The following PDE12 variants were observed in gnomAD, a reference collection of about 807,000 sequenced individuals.
The protein encoded by PDE12 is 2',5'-phosphodiesterase 12.
PDE12 carries 26 observed loss-of-function variants against 45.4 expected under a neutral mutation model. The observed-to-expected ratio is 0.57, with a 90% CI of 0.42 to 0.79. The LOEUF is 0.79. Among genes scored for constraint, PDE12 ranks in the 30% least tolerant of loss-of-function variants. The pLI, the probability that PDE12 is intolerant of heterozygous loss-of-function variation, is 0.00. For synonymous variants in PDE12, 283 were observed against 323.9 expected, an observed-to-expected ratio of 0.87 and a Z score of 1.36; for missense variants, 668 against 790.0, an observed-to-expected ratio of 0.85 and a Z score of 1.85.
At chr3:57,625,087 A>G in the PDE12 span, among the ~76,000 whole-genome samples, 1 of 152,060 alleles carries the variant, frequency 6.6e-6, no homozygotes, top group African/African-American at 2.4e-5. Flanking sequence ...GATTTTTTGT[A>G]GAGACGGGGT....
the PDE12 span, among the ~76,000 whole-genome samples, chr3:57,637,221 A>G: frequency 6.6e-6 from 1 of 152,216 alleles, no homozygotes; most frequent in Non-Finnish European, 1.5e-5. Context: ...CCTGGTATGC[A>G]CCAGAACCAG....
chr3:57,632,545 A>T, the PDE12 span, among the ~76,000 whole-genome samples: 1 of 152,180 alleles, frequency 6.6e-6, no homozygotes, highest in African/African-American at 2.4e-5. Flanking sequence ...GGAATAAATA[A>T]CTTGACACCC....
At chr3:57,611,588 A>T in the PDE12 span, among the ~76,000 whole-genome samples, 2 of 152,250 alleles carry the variant, frequency 1.3e-5, no homozygotes, top group African/African-American at 4.8e-5. Context: ...ATGAACAGAC[A>T]CTTCTCAAAA....
At chr3:57,581,315 C>G in the PDE12 span, among the ~76,000 whole-genome samples, 1 of 152,010 alleles carries the variant, frequency 6.6e-6, no homozygotes, top group Non-Finnish European at 1.5e-5. Context: ...CATGAACTCC[C>G]TAGGAAGCAG....
Position 57,562,114 on chromosome 3 carries a change from C to A in PDE12, c.*2110C>A. 1.0e-6 allele frequency: 1 copy of A among 981,500 alleles called. No homozygotes were observed. Among genetic ancestry groups the A allele is most frequent in the Non-Finnish European group, 1.2e-6 (1 of 826,648 alleles). 60.8% of individuals were successfully genotyped at this position (981,500 alleles called of 1,614,324 possible). A position where few individuals can be genotyped will look rare whatever the true frequency, so the allele number is the denominator to read the frequency against. On this transcript the variant is annotated 3_prime_UTR_variant, in exon 3 of 3. Transcript: ENST00000311180. ...TTTTCAAAGAAAGATGTTGATAGAACCCTTAGAGTGACTTGGGAGAAAACA... is the reference window on the plus strand; with the variant it reads ...TTTTCAAAGAAAGATGTTGATAGAAACCTTAGAGTGACTTGGGAGAAAACA...
the PDE12 span, among the ~76,000 whole-genome samples, chr3:57,608,120 T>C: frequency 1.3e-5 from 2 of 152,152 alleles, no homozygotes; most frequent in Non-Finnish European, 1.5e-5. Flanking sequence ...ACCCAGAATT[T>C]CATATGCAGC....
chr3:57,622,614 A>C, the PDE12 span, among the ~76,000 whole-genome samples: 1 of 152,212 alleles, frequency 6.6e-6, no homozygotes, highest in South Asian at 2.1e-4. Context: ...ATATATATCC[A>C]TCCAAGGACT....
the PDE12 span, among the ~76,000 whole-genome samples, chr3:57,611,970 A>G: frequency 6.6e-6 from 1 of 152,166 alleles, no homozygotes; most frequent in Admixed American, 6.5e-5. Flanking sequence ...TATTCACAAT[A>G]GCAAAGACTT....
the PDE12 span, among the ~76,000 whole-genome samples, chr3:57,602,108 C>G: frequency 2.0e-5 from 3 of 152,096 alleles, no homozygotes; most frequent in African/African-American, 7.2e-5. Flanking sequence ...AATAGCGGTA[C>G]TATTTAATAG....
chr3:57,579,215 T>C, the PDE12 span, among the ~76,000 whole-genome samples: 7 of 112,884 alleles, frequency 6.2e-5, no homozygotes, highest in African/African-American at 1.7e-4. Context: ...GATGGCGCCA[T>C]TGCACTCCAG....
At chr3:57,601,402 C>G in the PDE12 span, among the ~76,000 whole-genome samples, 4 of 152,244 alleles carry the variant, frequency 2.6e-5, no homozygotes, top group African/African-American at 9.6e-5. Flanking sequence ...AGCCACCGCG[C>G]CCAGCCTCTG....
chr3:57,584,474 G>C, the PDE12 span: 4 of 1,606,068 alleles, frequency 2.5e-6, no homozygotes, highest in African/African-American at 1.3e-5. Context: ...ACTAGAAGAA[G>C]ACATTATAGA....
the PDE12 span, among the ~76,000 whole-genome samples, chr3:57,608,265 A>T: frequency 1.3e-5 from 2 of 152,208 alleles, no homozygotes; most frequent in African/African-American, 4.8e-5. Flanking sequence ...AACAAGCAGT[A>T]CCAGCCACTG....
chr3:57,607,026 C>T, the PDE12 span, among the ~76,000 whole-genome samples: 281 of 152,266 alleles, frequency 1.8e-3, 1 homozygote, highest in African/African-American at 6.0e-3. Context: ...CCCACACAGC[C>T]GGGTACCCCT....
the PDE12 span, among the ~76,000 whole-genome samples, chr3:57,642,799 A>G: frequency 2.6e-5 from 4 of 152,076 alleles, no homozygotes; most frequent in Non-Finnish European, 5.9e-5. Context: ...TGAGGTCAGG[A>G]GTTCGAGACC....
At chr3:57,568,328 G>C (rs899364240), downstream of PDE12, among the ~76,000 whole-genome samples, 1 of 151,846 alleles carries the variant, frequency 6.6e-6, no homozygotes, top group Non-Finnish European at 1.5e-5. Flanking sequence ...GATGGCGTGG[G>C]CCTGTAGTCC....
chr3:57,634,738 T>G, the PDE12 span: 1 of 1,571,872 alleles, frequency 6.4e-7, no homozygotes, highest in Non-Finnish European at 8.6e-7. Flanking sequence ...GATTCTTCAG[T>G]TTTTTCACTT....
the PDE12 span, chr3:57,633,232 T>G: frequency 4.5e-6 from 7 of 1,557,642 alleles, no homozygotes; most frequent in Non-Finnish European, 6.2e-6. Context: ...CACCAAATCA[T>G]TAAATTATGC....
chr3:57,611,619 C>A, the PDE12 span, among the ~76,000 whole-genome samples: 1 of 152,086 alleles, frequency 6.6e-6, no homozygotes, highest in African/African-American at 2.4e-5. Flanking sequence ...ATGCAGACAA[C>A]AGACACATGA....
Sources: gnomAD v4.1 joint callset for allele counts (sites outside exome capture counted in the v4.1 genomes callset) on GRCh38, gnomAD v4.1.1 for gene constraint, MANE v1.5 for transcripts, NCBI Gene and HGNC (gene_info 2026-07-23, HGNC 2026-07-21) for gene names.